Variants in EDF1 observed in about 807,000 individuals in gnomAD.
EDF1 encodes endothelial differentiation-related factor 1.
Under a neutral mutation model 20.8 loss-of-function variants are expected in EDF1, and 5 were observed. That is an observed-to-expected ratio of 0.24 (90% CI 0.13 to 0.51). The LOEUF is 0.51. Among genes scored for constraint, EDF1 ranks in the 20% least tolerant of loss-of-function variants. EDF1 has a pLI of 0.97. For missense variants in EDF1, 137 were observed against 197.8 expected (o/e 0.69, Z 1.84); for synonymous variants, 96 against 78.5 (o/e 1.22, Z -1.18).
At chr9:136,866,024 A>G (rs1261385454) in intron 1 of EDF1, among the ~76,000 whole-genome samples, 157 bp downstream of exon 1, 1 of 110,894 alleles carries the variant, frequency 9.0e-6, no homozygotes, top group Non-Finnish European at 1.8e-5. Flanking sequence ...CCGCCCTTCG[A>G]ACCCCGTCCT....
chr9:136,862,129 G>T lies in EDF1; in HGVS notation c.*155C>A. 3 of 962,164 alleles carry T rather than the reference G, an allele frequency of 3.1e-6. No homozygotes were observed. The highest frequency in any genetic ancestry group is 1.5e-5 in the South Asian group (1 of 67,768). 59.6% of individuals were successfully genotyped at this position (962,164 alleles called of 1,614,324 possible). On this transcript the variant is annotated 3_prime_UTR_variant, in exon 5 of 5. Coordinates refer to ENST00000224073, the MANE Select transcript of EDF1 (RefSeq NM_003792.4). The surrounding 1 kb of genome is among the most constrained non-coding windows in gnomAD (Gnocchi z 4.1). ...GCCAGCAGAACCCAGCGCTTTGCAA[G>T]GTTTTGTTTGTTTGACAGCAGGAAT...
chr9:136,862,174 G>C lies in EDF1; in HGVS notation c.*110C>G. The C allele has an allele frequency of 7.1e-7, 1 of 1,411,134 alleles. No individual in the cohort carries two copies. Among genetic ancestry groups the C allele is most frequent in the Non-Finnish European group, 1.0e-6 (1 of 1,004,070 alleles). The allele number at this position is 1,411,134 out of a possible 1,614,324, so 87.4% of individuals were successfully genotyped here. A position where few individuals can be genotyped will look rare whatever the true frequency, so the allele number is the denominator to read the frequency against. ...AGGAATGGGCTGGGGAGGGTCCCCCGCAAGCTGGACCCCTTGTTCCGTTCG... is the reference window on the plus strand; with the variant it reads ...AGGAATGGGCTGGGGAGGGTCCCCCCCAAGCTGGACCCCTTGTTCCGTTCG... On this transcript the variant is annotated 3_prime_UTR_variant, in exon 5 of 5. Transcript: ENST00000224073. This position sits in a 1 kb window ranked among gnomAD's most constrained non-coding sequence, Gnocchi z 4.1.
Position 136,863,164 on chromosome 9 carries a change from C to T in EDF1, c.291+124G>A, listed in dbSNP as rs1564392145. The T allele has an allele frequency of 6.5e-7, 1 of 1,530,146 alleles. No homozygotes were observed. The highest frequency in any genetic ancestry group is 8.8e-7 in the Non-Finnish European group (1 of 1,131,770). The allele number at this position is 1,530,146 out of a possible 1,614,324, so 94.8% of individuals were successfully genotyped here. A position where few individuals can be genotyped will look rare whatever the true frequency, so the allele number is the denominator to read the frequency against. The stretch of plus-strand genomic sequence containing the variant: ...AGTGAGAGCCGGGCTGACCTGGCTT[C>T]CCGAGGCATTCCCTGCAGGGGAACC... On this transcript the variant is annotated intron_variant, in intron 3 of 4. Transcript: ENST00000224073. This position sits in a 1 kb window ranked among gnomAD's most constrained non-coding sequence, Gnocchi z 4.5.
rs1849164426 is a variant in EDF1 at position 136,863,963 on chromosome 9, C to T, written c.79-92G>A. 2 of 1,328,740 alleles carry T rather than the reference C, an allele frequency of 1.5e-6. No individual in the cohort carries two copies. The highest frequency in any genetic ancestry group is 2.1e-6 in the Non-Finnish European group (2 of 934,786). The allele number at this position is 1,328,740 out of a possible 1,614,324, so 82.3% of individuals were successfully genotyped here. A position where few individuals can be genotyped will look rare whatever the true frequency, so the allele number is the denominator to read the frequency against. On this transcript the variant is annotated intron_variant, in intron 1 of 4. Transcript: ENST00000224073. This position sits in a 1 kb window ranked among gnomAD's most constrained non-coding sequence, Gnocchi z 4.5. ...GGCCTGCTGTTAGCCAGTTAGCACACTGCTAAGGACTAGTGGTGCCCAAGG... is the reference window on the plus strand; with the variant it reads ...GGCCTGCTGTTAGCCAGTTAGCACATTGCTAAGGACTAGTGGTGCCCAAGG...
intron 1 of EDF1, 87 bp downstream of exon 1, chr9:136,866,094 C>G: frequency 7.2e-7 from 1 of 1,395,350 alleles, no homozygotes; most frequent in Non-Finnish European, 9.6e-7. Context: ...CCCGCCTGCC[C>G]TTCCCCGAGC....
In EDF1 at chr9:136,862,933, C is replaced by T. The variant is rs759437860; in HGVS notation, c.358G>A (p.Val120Met). 6.2e-7 allele frequency: 1 copy of T among 1,613,956 alleles called. No homozygotes were observed. Among genetic ancestry groups the T allele is most frequent in the Non-Finnish European group, 8.5e-7 (1 of 1,180,036 alleles). ...ATGGCCCGCTCGATTTTGCCAAGCA[C>T]CTGGTTATTGGGTATGGCCCGTCCG... ...ESGRAIPNNQ[V>M]LGKIERAIGL... The change falls in exon 4 of 5, where the codon GTG (valine) becomes ATG (methionine). Residue 120 changes from valine (V) to methionine (M), a missense_variant. Coordinates refer to ENST00000224073, the MANE Select transcript of EDF1 (RefSeq NM_003792.4). The surrounding 1 kb of genome is among the most constrained non-coding windows in gnomAD (Gnocchi z 4.1).
Position 136,863,400 on chromosome 9 carries a change from T to C in EDF1, c.179A>G (p.Lys60Arg), listed in dbSNP as rs1849150739. 1.9e-6 allele frequency: 3 copies of C among 1,614,188 alleles called. No homozygotes were observed. Among genetic ancestry groups the C allele is most frequent in the East Asian group, 4.5e-5 (2 of 44,892 alleles). The part of the protein sequence containing the change: ...KQHSITKNTA[K>R]LDRETEELHH... Reference sequence around the variant, plus strand: ...CAGCTCCTCTGTCTCCCGGTCCAGCTTGGCCGTGTTCTTGGTAATAGAATG... The same window carrying C: ...CAGCTCCTCTGTCTCCCGGTCCAGCCTGGCCGTGTTCTTGGTAATAGAATG... Residue 60 changes from lysine (K) to arginine (R), a missense_variant, in exon 3 of 5, where the codon AAG becomes AGG. Lys to Arg is a conservative substitution (Grantham distance 26, BLOSUM62 2). Transcript: ENST00000224073. This position sits in a 1 kb window ranked among gnomAD's most constrained non-coding sequence, Gnocchi z 4.5.
At position 136,863,902 on chromosome 9, in the gene EDF1, A is replaced by G; in HGVS notation, c.79-31T>C. 1 of 1,612,736 alleles carries G rather than the reference A, an allele frequency of 6.2e-7. No individual in the cohort carries two copies. Among genetic ancestry groups the G allele is most frequent in the East Asian group, 2.2e-5 (1 of 44,876 alleles). On this transcript the variant is annotated intron_variant, in intron 1 of 4. Transcript: ENST00000224073. This position sits in a 1 kb window ranked among gnomAD's most constrained non-coding sequence, Gnocchi z 4.5. The stretch of plus-strand genomic sequence containing the variant: ...AAATTAGAAAACATCAGTGGATCAA[A>G]ATTAGCTTTGACAGTATCCAGCACA...
Position 136,866,173 on chromosome 9 carries a change from C to G in EDF1, c.78+8G>C. On this transcript the variant is annotated splice_region_variant and intron_variant, in intron 1 of 4. Transcript: ENST00000224073. ...CCCGGCCCGGCCGCTCCTCAGTCAGCAAAGCACCTGCTTGGATTTGGCCTG... is the reference window on the plus strand; with the variant it reads ...CCCGGCCCGGCCGCTCCTCAGTCAGGAAAGCACCTGCTTGGATTTGGCCTG... 1 of 1,596,144 alleles carries G rather than the reference C, an allele frequency of 6.3e-7. No individual in the cohort carries two copies. Among genetic ancestry groups the G allele is most frequent in the Non-Finnish European group, 8.5e-7 (1 of 1,173,746 alleles).
intron 1 of EDF1, among the ~76,000 whole-genome samples, chr9:136,864,476 C>T (rs887049291): frequency 6.6e-6 from 1 of 152,116 alleles, no homozygotes; most frequent in Non-Finnish European, 1.5e-5. Context: ...ACACCAAATA[C>T]TGGCCTGGTG....
At position 136,862,442 on chromosome 9, in the gene EDF1, G is replaced by T. The variant is rs763778714; in HGVS notation, c.386-97C>A. On this transcript the variant is annotated intron_variant, in intron 4 of 4. Transcript: ENST00000224073. The surrounding 1 kb of genome is among the most constrained non-coding windows in gnomAD (Gnocchi z 4.1). Reference sequence around the variant, plus strand: ...CATCTTCCCAGGGAAGGGGGGCCACGCCGCTCCCGTGCCTCACTGGGCTCT... The same window carrying T: ...CATCTTCCCAGGGAAGGGGGGCCACTCCGCTCCCGTGCCTCACTGGGCTCT... The T allele has an allele frequency of 6.2e-7, 1 of 1,613,498 alleles. No homozygotes were observed. The highest frequency in any genetic ancestry group is 8.5e-7 in the Non-Finnish European group (1 of 1,179,934).
chr9:136,863,155 A>T lies in EDF1; in HGVS notation c.291+133T>A, dbSNP rs1849142492. The stretch of plus-strand genomic sequence containing the variant: ...GCGAGAGGCAGTGAGAGCCGGGCTG[A>T]CCTGGCTTCCCGAGGCATTCCCTGC... On this transcript the variant is annotated intron_variant, in intron 3 of 4. Transcript: ENST00000224073. The surrounding 1 kb of genome is among the most constrained non-coding windows in gnomAD (Gnocchi z 4.5). 6.6e-7 allele frequency: 1 copy of T among 1,517,048 alleles called. No individual in the cohort carries two copies. 94.0% of individuals were successfully genotyped at this position (1,517,048 alleles called of 1,614,324 possible).
rs145579853 is a variant in EDF1, at chr9:136,866,244, G to C, written c.15C>G (p.Asp5Glu). The C allele has an allele frequency of 3.1e-6, 5 of 1,600,272 alleles. No individual in the cohort carries two copies. Among genetic ancestry groups the C allele is most frequent in the South Asian group, 1.1e-5 (1 of 89,328 alleles). The change falls in exon 1 of 5, where the codon GAC becomes GAG. Residue 5 changes from aspartate (D) to glutamate (E), a missense_variant. Asp to Glu is a conservative substitution (Grantham distance 45). Coordinates refer to ENST00000224073, the MANE Select transcript of EDF1 (RefSeq NM_003792.4). The stretch of plus-strand genomic sequence containing the variant: ...TGCGCAGCACCGTCACCGTGTCCCA[G>C]TCGCTCTCGGCCATGGCGGGCGAAG... MAES[D>E]WDTVTVLRKK... is the part of the protein sequence containing the mutation.
chr9:136,862,513 T>C lies in EDF1; in HGVS notation c.386-168A>G, dbSNP rs373764593. 35 of 1,609,962 alleles carry C rather than the reference T, an allele frequency of 2.2e-5. No individual in the cohort carries two copies. The highest frequency in any genetic ancestry group is 2.9e-5 in the Non-Finnish European group (34 of 1,179,770). On this transcript the variant is annotated intron_variant, in intron 4 of 4. Transcript: ENST00000224073. This position sits in a 1 kb window ranked among gnomAD's most constrained non-coding sequence, Gnocchi z 4.1. ...TTCCCACATCTAATTTTGAAGAGGA[T>C]GAGTCTGATCACCTTAGACAGCAGA...
intron 1 of EDF1, among the ~76,000 whole-genome samples, chr9:136,865,608 GC>G (rs1184212631): frequency 2.1e-5 from 3 of 141,416 alleles, no homozygotes; most frequent in Admixed American, 7.2e-5. Context: ...GGTTCCTGCT[GC>G]TTGCCCCAGT....
In EDF1 at chr9:136,862,995, A is replaced by AT. The variant is rs1269490484; in HGVS notation, c.295dup (p.Ile99AsnfsTer3). On this transcript the variant is annotated frameshift_variant, in exon 4 of 5. Transcript: ENST00000224073. LOFTEE classifies it high-confidence loss of function. This position sits in a 1 kb window ranked among gnomAD's most constrained non-coding sequence, Gnocchi z 4.1. Reference sequence around the variant, plus strand: ...CGCGATCACCTGTGGCTTCTCATTGATTTTCTAAAGAGAAGATGTGCTTTA... The same window carrying AT: ...CGCGATCACCTGTGGCTTCTCATTGATTTTTCTAAAGAGAAGATGTGCTTTA... The AT allele has an allele frequency of 1.2e-6, 2 of 1,613,766 alleles. No individual in the cohort carries two copies. The highest frequency in any genetic ancestry group is 8.5e-7 in the Non-Finnish European group (1 of 1,179,990).
chr9:136,865,939 T>C (rs1849214062), intron 1 of EDF1, among the ~76,000 whole-genome samples: 1 of 141,206 alleles, frequency 7.1e-6, no homozygotes, highest in African/African-American at 2.7e-5. Context: ...CCTGGGTCCG[T>C]CCATCCCCTC....
rs1450820782 is a variant in EDF1, at chr9:136,866,282, C to A, written c.-24G>T. The A allele has an allele frequency of 1.8e-5, 28 of 1,592,654 alleles. No individual in the cohort carries two copies. The highest frequency in any genetic ancestry group is 2.2e-5 in the Non-Finnish European group (26 of 1,173,544). ...ATGGCGGGCGAAGACGAGCGTCCGTCCGGCGGCTCAGCGGCAGCTGCTAGA... is the reference window on the plus strand; with the variant it reads ...ATGGCGGGCGAAGACGAGCGTCCGTACGGCGGCTCAGCGGCAGCTGCTAGA... On this transcript the variant is annotated 5_prime_UTR_variant, in exon 1 of 5. Coordinates refer to ENST00000224073, the MANE Select transcript of EDF1 (RefSeq NM_003792.4).
chr9:136,864,271 G>GT (rs1849170670), intron 1 of EDF1, among the ~76,000 whole-genome samples: 1 of 148,980 alleles, frequency 6.7e-6, no homozygotes, highest in African/African-American at 2.5e-5. Context: ...ACACACTAGG[G>GT]ATTTTTTTTT....
Sources: allele counts gnomAD v4.1 joint callset (sites outside exome capture counted in the v4.1 genomes callset), GRCh38; gene constraint gnomAD v4.1.1; non-coding constraint Gnocchi (gnomAD v3.1); transcripts MANE v1.5; gene names NCBI Gene and HGNC (gene_info 2026-07-23, HGNC 2026-07-21).